ATRIP: variants seen among roughly 807,000 people sequenced by gnomAD.
ATRIP encodes ATR interacting protein.
In ATRIP, 44 loss-of-function variants were observed where a neutral mutation model predicts 78.1. The observed-to-expected ratio is 0.56, with a 90% confidence interval of 0.44 to 0.72. The LOEUF is 0.72. Ranked by LOEUF, ATRIP falls within the 30% of genes least tolerant of loss-of-function variation. The pLI, the probability that ATRIP is intolerant of heterozygous loss-of-function variation, is 0.00. For synonymous variants in ATRIP, 388 were observed against 408.9 expected, an observed-to-expected ratio of 0.95 and a Z score of 0.62; for missense variants, 927 against 980.2, an observed-to-expected ratio of 0.95 and a Z score of 0.72.
rs1318966734 is a variant in ATRIP at position 48,465,486 on chromosome 3, G to A, written c.2309-1G>A. 4 of 1,613,800 alleles carry A rather than the reference G, an allele frequency of 2.5e-6. No individual in the cohort carries two copies. In the Admixed American group the frequency reaches 6.7e-5, roughly 27 times the overall value. On this transcript the variant is annotated splice_acceptor_variant, in intron 12 of 12. Coordinates refer to ENST00000320211, the MANE Select transcript of ATRIP (RefSeq NM_130384.3). LOFTEE classifies it high-confidence loss of function. Reference sequence around the variant, plus strand: ...CCAGGAACCTCTCCTTTTTGTCTCAGAGGCAGCCCTGGATGACCTCTGTGC... The same window carrying A: ...CCAGGAACCTCTCCTTTTTGTCTCAAAGGCAGCCCTGGATGACCTCTGTGC...
chr3:48,458,171 G>A (rs1325929467), intron 5 of ATRIP, among the ~76,000 whole-genome samples: 5 of 148,066 alleles, frequency 3.4e-5, no homozygotes, highest in Non-Finnish European at 5.9e-5. Flanking sequence ...TCCGCCTCCC[G>A]GGTTCAAGTG....
At chr3:48,448,020 T>C (rs1292579463) in intron 1 of ATRIP, among the ~76,000 whole-genome samples, 2 of 152,196 alleles carry the variant, frequency 1.3e-5, no homozygotes, top group South Asian at 2.1e-4. Flanking sequence ...TTACCATGAG[T>C]CCTCTCTTGA....
chr3:48,451,529 A>G (rs2039836306), intron 2 of ATRIP, among the ~76,000 whole-genome samples, 200 bp from the exon 3 acceptor site: 1 of 152,194 alleles, frequency 6.6e-6, no homozygotes, highest in South Asian at 2.1e-4. Context: ...GTGTATGCTT[A>G]AGCTATCTTG....
chr3:48,464,809 G>T, intron 11 of ATRIP, 22 bp from the exon 12 acceptor site: 2 of 1,603,334 alleles, frequency 1.2e-6, no homozygotes, highest in Non-Finnish European at 1.7e-6. Context: ...CCAGGCCTCA[G>T]TCTGCACCCC....
intron 4 of ATRIP, among the ~76,000 whole-genome samples, chr3:48,455,783 C>G (rs1356839121): frequency 6.6e-6 from 1 of 151,952 alleles, no homozygotes; most frequent in African/African-American, 2.4e-5. Flanking sequence ...CAAGGGTGAG[C>G]CACTGTGCCC....
At chr3:48,456,143 C>T (rs1368599532) in intron 4 of ATRIP, among the ~76,000 whole-genome samples, 2 of 151,788 alleles carry the variant, frequency 1.3e-5, no homozygotes, top group Non-Finnish European at 2.9e-5. Flanking sequence ...GTTTGTTCCA[C>T]ATTGAAAAGA....
chr3:48,454,214 C>A, intron 3 of ATRIP, 86 bp from the exon 4 acceptor site: 1 of 751,028 alleles, frequency 1.3e-6, no homozygotes, highest in African/African-American at 1.7e-5. Context: ...CATTGTTTGT[C>A]TTTTACTGGC....
At chr3:48,457,219 G>A (rs757461610) in intron 4 of ATRIP, 40 bp from the exon 5 acceptor site, 1 of 1,493,060 alleles carries the variant, frequency 6.7e-7, no homozygotes, top group South Asian at 1.4e-5. Flanking sequence ...AATGGTTTTA[G>A]TAGAATCATT....
At position 48,460,771 on chromosome 3, in the gene ATRIP, G is replaced by A. The variant is rs775684241; in HGVS notation, c.1717G>A (p.Glu573Lys). ...QCLKVLVKLA[E>K]NTSCDFLPRF... ...CCTTAAGGTTTTGGTGAAATTAGCC[G>A]AAAACACTTCCTGTGATTTCTTGCC... The change falls in exon 8 of 13, where the codon GAA becomes AAA. Residue 573 changes from glutamate (E) to lysine (K), a missense_variant. Transcript: ENST00000320211. 8.1e-6 allele frequency: 13 copies of A among 1,600,448 alleles called. No homozygotes were observed. The highest frequency in any genetic ancestry group is 1.3e-5 in the African/African-American group (1 of 74,658).
intron 5 of ATRIP, among the ~76,000 whole-genome samples, 191 bp downstream of exon 5, chr3:48,457,607 TCA>T (rs2039986872): frequency 6.6e-6 from 1 of 152,242 alleles, no homozygotes; most frequent in African/African-American, 2.4e-5. Context: ...GGTGGCTCAC[TCA>T]CATGGCTGGC....
intron 2 of ATRIP, chr3:48,450,635 G>A (rs2039811681): frequency 1.1e-6 from 1 of 942,176 alleles, no homozygotes; most frequent in Non-Finnish European, 1.4e-6. Context: ...CATCCAGGCT[G>A]GAGTACAGTG....
intron 4 of ATRIP, among the ~76,000 whole-genome samples, chr3:48,455,639 ACC>A (rs1206311425): frequency 1.3e-5 from 2 of 151,156 alleles, no homozygotes; most frequent in Non-Finnish European, 2.9e-5. Context: ...ACAGGCACAT[ACC>A]ACCACACCAG....
chr3:48,449,896 C>G (rs985562837), intron 1 of ATRIP, 141 bp from the exon 2 acceptor site: 2 of 860,738 alleles, frequency 2.3e-6, no homozygotes, highest in South Asian at 3.5e-5. Context: ...AGTGATCACA[C>G]CACTGCACTC....
At chr3:48,449,670 G>A (rs942196290) in intron 1 of ATRIP, among the ~76,000 whole-genome samples, 2 of 150,220 alleles carry the variant, frequency 1.3e-5, no homozygotes, top group African/African-American at 4.9e-5. Context: ...GCTGACGCCT[G>A]TAATCCCAAC....
chr3:48,462,848 G>A (rs143239475), intron 8 of ATRIP, among the ~76,000 whole-genome samples: 62 of 152,328 alleles, frequency 4.1e-4, no homozygotes, highest in African/African-American at 1.5e-3. Context: ...TAATAACCAT[G>A]TTAAAATTCC....
intron 1 of ATRIP, among the ~76,000 whole-genome samples, chr3:48,448,388 C>A (rs1006520794): frequency 2.6e-5 from 4 of 152,216 alleles, no homozygotes; most frequent in Non-Finnish European, 5.9e-5. Flanking sequence ...CCATGTTGGC[C>A]AGGCTGGTCT....
rs184860145 is a variant in ATRIP at position 48,457,455 on chromosome 3, C to T, written c.829+39C>T. On this transcript the variant is annotated intron_variant, in intron 5 of 12. Transcript: ENST00000320211. ...TCATCTATTGATGTATAACAAGCTA[C>T]CCAAATATGTGGCTTAAAACAATTA... is the stretch of plus-strand genomic sequence containing the variant. 3.4e-4 allele frequency: 482 copies of T among 1,402,062 alleles called. 3 individuals are homozygous for T. The African/African-American group carries it at 6.4e-3, about 19-fold the overall frequency. The allele number at this position is 1,402,062 out of a possible 1,614,324, so 86.9% of individuals were successfully genotyped here.
chr3:48,457,081 A>G (rs1236289403), intron 4 of ATRIP, among the ~76,000 whole-genome samples, 178 bp from the exon 5 acceptor site: 1 of 152,160 alleles, frequency 6.6e-6, no homozygotes, highest in Non-Finnish European at 1.5e-5. Flanking sequence ...AAGAAAAACA[A>G]ATGCCTGGAA....
At chr3:48,457,115 G>C in intron 4 of ATRIP, 144 bp from the exon 5 acceptor site, 1 of 608,234 alleles carries the variant, frequency 1.6e-6, no homozygotes, top group East Asian at 3.5e-5. Flanking sequence ...CTCTGACAAA[G>C]AATGGTAGAC....
Sources: allele counts gnomAD v4.1 joint callset (sites outside exome capture counted in the v4.1 genomes callset), GRCh38; gene constraint gnomAD v4.1.1; transcripts MANE v1.5; gene names NCBI Gene and HGNC (gene_info 2026-07-23, HGNC 2026-07-21).